The following CEP63 variants were observed in gnomAD, a reference collection of about 807,000 sequenced individuals.
CEP63 encodes the protein centrosomal protein of 63 kDa.
Under a neutral mutation model 89.1 loss-of-function variants are expected in CEP63, and 84 were observed. That is an observed-to-expected ratio of 0.94 (90% CI 0.79 to 1.13). CEP63 has a LOEUF of 1.13. Among genes scored for constraint, CEP63 ranks in the 50% most tolerant of loss-of-function variants. The probability of loss-of-function intolerance (pLI) is 0.00; values close to 1 mark genes in which losing one functional copy is unlikely to be tolerated. For synonymous variants in CEP63, 267 were observed against 272.5 expected (o/e 0.98, Z 0.20); for missense variants, 838 against 813.3 (o/e 1.03, Z -0.37).
the CEP63 span, chr3:134,608,565 G>A: frequency 6.2e-7 from 1 of 1,611,278 alleles, no homozygotes; most frequent in East Asian, 2.2e-5. Context: ...TGCCTTGAAA[G>A]CGCAGTCTCA....
rs769714367 is a variant in CEP63 at position 134,545,583 on chromosome 3, T to C, written c.556-3T>C. ...CCTATTGATTGATAGTCTGTGTTTCTAGGCTCAGCTTGTCAATCGGAAACA... is the reference window on the plus strand; with the variant it reads ...CCTATTGATTGATAGTCTGTGTTTCCAGGCTCAGCTTGTCAATCGGAAACA... On this transcript the variant is annotated splice_region_variant and splice_polypyrimidine_tract_variant and intron_variant, in intron 6 of 14. Coordinates refer to ENST00000675561, the MANE Select transcript of CEP63 (RefSeq NM_001353108.3). 2 of 1,607,838 alleles carry C rather than the reference T, an allele frequency of 1.2e-6. No homozygotes were observed. The highest frequency in any genetic ancestry group is 1.1e-5 in the South Asian group (1 of 90,964).
intron 12 of CEP63, among the ~76,000 whole-genome samples, chr3:134,557,159 A>G (rs908707194): frequency 1.3e-5 from 2 of 152,114 alleles, no homozygotes; most frequent in East Asian, 1.9e-4. Flanking sequence ...ATTACTGACC[A>G]TGTTTTAAAA....
the CEP63 span, among the ~76,000 whole-genome samples, chr3:134,767,479 G>T: frequency 2.6e-5 from 4 of 152,270 alleles, no homozygotes; most frequent in Middle Eastern, 0.014. Context: ...AGACTAGCAG[G>T]TCTCATTTTA....
At chr3:134,655,589 C>A in the CEP63 span, among the ~76,000 whole-genome samples, 3 of 152,182 alleles carry the variant, frequency 2.0e-5, no homozygotes, top group Non-Finnish European at 4.4e-5. Flanking sequence ...GACACCCAAC[C>A]CTTGACACCC....
At chr3:134,690,743 A>ATTTTTTTTTT in the CEP63 span, among the ~76,000 whole-genome samples, 185 of 120,772 alleles carry the variant, frequency 1.5e-3, 13 homozygotes, top group African/African-American at 5.9e-3. Flanking sequence ...GAAGACCAAG[A>ATTTTTTTTTT]TTTTTTTTTT....
chr3:134,564,255 A>T lies in CEP63; in HGVS notation c.*2720A>T. Reference sequence around the variant, plus strand: ...CTAGTTTGAACCAATGGAAAATGCCATTCCTGAGGTGCACCACATCGTTTC... The same window carrying T: ...CTAGTTTGAACCAATGGAAAATGCCTTTCCTGAGGTGCACCACATCGTTTC... On this transcript the variant is annotated 3_prime_UTR_variant, in exon 15 of 15. Transcript: ENST00000675561. 2 of 985,430 alleles carry T rather than the reference A, an allele frequency of 2.0e-6. No individual in the cohort carries two copies. Among genetic ancestry groups the T allele is most frequent in the Non-Finnish European group, 2.4e-6 (2 of 829,956 alleles). 61.0% of individuals were successfully genotyped at this position (985,430 alleles called of 1,614,324 possible).
At chr3:134,686,575 A>G in the CEP63 span, among the ~76,000 whole-genome samples, 1 of 151,714 alleles carries the variant, frequency 6.6e-6, no homozygotes, top group Non-Finnish European at 1.5e-5. Context: ...CTGATCCTCC[A>G]CTGTCCACAG....
chr3:134,510,968 C>G (rs1559903888), intron 3 of CEP63: 1 of 123,020 alleles, frequency 8.1e-6, no homozygotes, highest in African/African-American at 3.3e-5. Context: ...CCTTGTCCAC[C>G]TTTGATTTTT....
chr3:134,517,445 A>G (rs1486729839), intron 3 of CEP63, among the ~76,000 whole-genome samples: 39 of 152,230 alleles, frequency 2.6e-4, no homozygotes, highest in Non-Finnish European at 4.4e-5. Flanking sequence ...AAGAATATAG[A>G]TTTTAACAGC....
At chr3:134,686,324 C>G in the CEP63 span, among the ~76,000 whole-genome samples, 2 of 152,176 alleles carry the variant, frequency 1.3e-5, no homozygotes, top group Non-Finnish European at 2.9e-5. Flanking sequence ...TGTCCTCTCT[C>G]AATTTCCCAG....
chr3:134,703,152 C>G, the CEP63 span, among the ~76,000 whole-genome samples: 1 of 151,788 alleles, frequency 6.6e-6, no homozygotes, highest in Non-Finnish European at 1.5e-5. Context: ...AAAAATTAGC[C>G]AGGCGTGGTG....
the CEP63 span, among the ~76,000 whole-genome samples, chr3:134,777,906 C>T: frequency 6.6e-6 from 1 of 151,694 alleles, no homozygotes; most frequent in Non-Finnish European, 1.5e-5. Context: ...TGAGCCACCG[C>T]GCCCGGCTTT....
chr3:134,697,502 G>C, the CEP63 span, among the ~76,000 whole-genome samples: 1 of 152,146 alleles, frequency 6.6e-6, no homozygotes, highest in Non-Finnish European at 1.5e-5. Context: ...TTTAGAAAGA[G>C]GTATGGGGAG....
the CEP63 span, among the ~76,000 whole-genome samples, chr3:134,593,688 C>T: frequency 2.6e-5 from 4 of 152,196 alleles, no homozygotes; most frequent in African/African-American, 9.7e-5. Flanking sequence ...GGCTCCTGAC[C>T]ACACAAGACA....
At chr3:134,513,852 A>G (rs1302600234) in intron 3 of CEP63, among the ~76,000 whole-genome samples, 1 of 152,202 alleles carries the variant, frequency 6.6e-6, no homozygotes, top group Non-Finnish European at 1.5e-5. Context: ...CCAAAGTGCT[A>G]GGGCTTCCAG....
At chr3:134,751,937 T>C in the CEP63 span, among the ~76,000 whole-genome samples, 2 of 152,184 alleles carry the variant, frequency 1.3e-5, no homozygotes, top group Non-Finnish European at 2.9e-5. Context: ...ATTGGTTTTA[T>C]TGGAGTTGTG....
the CEP63 span, among the ~76,000 whole-genome samples, chr3:134,663,249 C>A: frequency 6.6e-6 from 1 of 152,216 alleles, no homozygotes; most frequent in African/African-American, 2.4e-5. Flanking sequence ...TGTCCCCTGA[C>A]TGTTCTGATG....
rs772110828 is a variant in CEP63 at position 134,549,194 on chromosome 3, T to C, written c.1182+18T>C. The C allele has an allele frequency of 3.5e-6, 5 of 1,448,824 alleles. No individual in the cohort carries two copies. The highest frequency in any genetic ancestry group is 1.4e-5 in the African/African-American group (1 of 71,676). 89.7% of individuals were successfully genotyped at this position (1,448,824 alleles called of 1,614,324 possible). A position where few individuals can be genotyped will look rare whatever the true frequency, so the allele number is the denominator to read the frequency against. Reference sequence around the variant, plus strand: ...TTAAGAAGGTAAAAATCTGCATACCTAGGATTGCAAAATTGTATGTGTTTA... The same window carrying C: ...TTAAGAAGGTAAAAATCTGCATACCCAGGATTGCAAAATTGTATGTGTTTA... On this transcript the variant is annotated intron_variant, in intron 10 of 14. Transcript: ENST00000675561.
the CEP63 span, among the ~76,000 whole-genome samples, chr3:134,750,462 A>G: frequency 2.6e-5 from 4 of 152,226 alleles, no homozygotes; most frequent in South Asian, 8.3e-4. Flanking sequence ...CTCATAGGAT[A>G]GGATGGAGTT....
Sources: allele counts gnomAD v4.1 joint callset (sites outside exome capture counted in the v4.1 genomes callset), GRCh38; gene constraint gnomAD v4.1.1; transcripts MANE v1.5; gene names NCBI Gene and HGNC (gene_info 2026-07-23, HGNC 2026-07-21).